Variants in GALNT17 observed in about 807,000 individuals in gnomAD.
The protein encoded by GALNT17 is polypeptide N-acetylgalactosaminyltransferase 17.
In GALNT17, 29 loss-of-function variants were observed where a neutral mutation model predicts 63.7. The observed-to-expected ratio is 0.46, with a 90% confidence interval of 0.34 to 0.62. GALNT17 has a LOEUF of 0.62. Ranked by LOEUF, GALNT17 falls within the 20% of genes least tolerant of loss-of-function variation. The probability of loss-of-function intolerance (pLI) is 0.01; values close to 1 mark genes in which losing one functional copy is unlikely to be tolerated. For synonymous variants in GALNT17, 305 were observed against 318.3 expected, an observed-to-expected ratio of 0.96 and a Z score of 0.45; for missense variants, 603 against 799.6, an observed-to-expected ratio of 0.75 and a Z score of 2.97.
intron 6 of GALNT17, among the ~76,000 whole-genome samples, chr7:71,626,742 C>T (rs1228856189): frequency 6.6e-6 from 1 of 152,228 alleles, no homozygotes. Flanking sequence ...GGTAGAACTA[C>T]ACCACCTTTG....
chr7:71,246,775 G>A (rs1488320501), intron 1 of GALNT17, among the ~76,000 whole-genome samples: 4 of 151,880 alleles, frequency 2.6e-5, no homozygotes, highest in Non-Finnish European at 5.9e-5. Context: ...CTTGCAGTGA[G>A]CTGAGAACGC....
chr7:71,274,127 T>G (rs748980923), intron 1 of GALNT17, among the ~76,000 whole-genome samples: 1 of 152,228 alleles, frequency 6.6e-6, no homozygotes, highest in Admixed American at 6.5e-5. Context: ...TTTGCCTGTT[T>G]CCCTGGTGTA....
At position 71,613,005 on chromosome 7, in the gene GALNT17, C is replaced by A. The variant is rs181646360; in HGVS notation, c.1080+41603C>A. ...AGCCTGAAGGTGGTTAACGGCCCCC[C>A]TCTCGCCTATCACCAGACTCCAGTA... On this transcript the variant is annotated intron_variant, in intron 6 of 10. Coordinates refer to ENST00000333538, the MANE Select transcript of GALNT17 (RefSeq NM_022479.3). 6.5e-4 allele frequency among the ~76,000 whole-genome samples: 99 copies of A among 152,304 alleles called. 1 individual carries two copies. The highest frequency in any genetic ancestry group is 3.4e-3 in the Middle Eastern group (1 of 294).
At chr7:71,322,901 TAA>T (rs1386162449) in intron 1 of GALNT17, among the ~76,000 whole-genome samples, 1 of 152,034 alleles carries the variant, frequency 6.6e-6, no homozygotes, top group Non-Finnish European at 1.5e-5. Flanking sequence ...CTATGAGACA[TAA>T]AGGTCTGTTG....
At chr7:71,654,995 G>A (rs758754861) in intron 6 of GALNT17, among the ~76,000 whole-genome samples, 2 of 152,032 alleles carry the variant, frequency 1.3e-5, no homozygotes, top group Non-Finnish European at 2.9e-5. Flanking sequence ...TCACTATGTT[G>A]GCCAGGCTGG....
At chr7:71,555,123 T>C (rs1789141136) in intron 5 of GALNT17, among the ~76,000 whole-genome samples, 1 of 152,054 alleles carries the variant, frequency 6.6e-6, no homozygotes, top group South Asian at 2.1e-4. Flanking sequence ...CTTGCTGAAC[T>C]CATTACCACA....
At chr7:71,233,670 T>C (rs965223269) in intron 1 of GALNT17, among the ~76,000 whole-genome samples, 12 of 152,168 alleles carry the variant, frequency 7.9e-5, no homozygotes, top group African/African-American at 2.9e-4. Context: ...GGTGCATCTC[T>C]ACTGCCTGAT....
At chr7:71,710,233 G>A (rs1380625294) in intron 9 of GALNT17, among the ~76,000 whole-genome samples, 1 of 152,152 alleles carries the variant, frequency 6.6e-6, no homozygotes, top group Non-Finnish European at 1.5e-5. Context: ...ATCAGGGCCG[G>A]GCGCCGTGGC....
At chr7:71,185,006 C>CTT (rs1788817288) in intron 1 of GALNT17, among the ~76,000 whole-genome samples, 1 of 129,228 alleles carries the variant, frequency 7.7e-6, no homozygotes, top group Non-Finnish European at 1.6e-5. Flanking sequence ...CTTCTTCCTT[C>CTT]CCTCCCTCCC....
intron 9 of GALNT17, among the ~76,000 whole-genome samples, chr7:71,678,959 A>AT (rs1791194437): frequency 6.7e-6 from 1 of 148,572 alleles, no homozygotes; most frequent in African/African-American, 2.6e-5. Context: ...TCCATCTCAA[A>AT]AAAAAAAAAA....
At chr7:71,616,790 A>G (rs971899759) in intron 6 of GALNT17, among the ~76,000 whole-genome samples, 4 of 140,290 alleles carry the variant, frequency 2.9e-5, no homozygotes, top group African/African-American at 1.0e-4. Context: ...TATGTAACTA[A>G]TATATTAGTG....
chr7:71,335,758 G>A (rs369709359), intron 2 of GALNT17, 25 bp downstream of exon 2: 293 of 1,564,954 alleles, frequency 1.9e-4, no homozygotes, highest in Non-Finnish European at 2.4e-4. Context: ...AGTCATTTGC[G>A]GAGCTTGATG....
intron 2 of GALNT17, among the ~76,000 whole-genome samples, chr7:71,338,093 C>A (rs570573578): frequency 6.6e-6 from 1 of 151,354 alleles, no homozygotes; most frequent in African/African-American, 2.4e-5. Flanking sequence ...TTTGGGAGGC[C>A]GAGGCGGGCG....
intron 1 of GALNT17, among the ~76,000 whole-genome samples, chr7:71,247,053 G>T (rs1790112394): frequency 6.6e-6 from 1 of 152,030 alleles, no homozygotes; most frequent in Non-Finnish European, 1.5e-5. Context: ...AGGATTAGAG[G>T]CATGAGCCAC....
intron 5 of GALNT17, among the ~76,000 whole-genome samples, chr7:71,550,198 A>G (rs1789051945): frequency 6.6e-6 from 1 of 152,080 alleles, no homozygotes. Context: ...AAATAAAAGT[A>G]TCCCACAACC....
At chr7:71,216,840 A>C (rs1359270504) in intron 1 of GALNT17, among the ~76,000 whole-genome samples, 1 of 152,182 alleles carries the variant, frequency 6.6e-6, no homozygotes, top group African/African-American at 2.4e-5. Flanking sequence ...TAGTTATATA[A>C]CTACTTTATG....
Position 71,560,612 on chromosome 7 carries a change from C to G in GALNT17, c.963-10673C>G, listed in dbSNP as rs940699043. 2.6e-5 allele frequency among the ~76,000 whole-genome samples: 4 copies of G among 152,326 alleles called. No individual in the cohort carries two copies. In the South Asian group the frequency reaches 6.2e-4, roughly 24 times the overall value. ...ACAGGGAGCCATCATGCCTTCGTGC[C>G]AGCACCCAGGTTGCATGTGATGGTA... On this transcript the variant is annotated intron_variant, in intron 5 of 10. Coordinates refer to ENST00000333538, the MANE Select transcript of GALNT17 (RefSeq NM_022479.3).
intron 2 of GALNT17, among the ~76,000 whole-genome samples, chr7:71,353,471 CATTT>C (rs771291855): frequency 7.2e-4 from 109 of 152,172 alleles, no homozygotes; most frequent in Non-Finnish European, 1.4e-3. Flanking sequence ...GTATTACATT[CATTT>C]ATCATGTTTT....
At chr7:71,484,606 T>C (rs184271283) in intron 5 of GALNT17, among the ~76,000 whole-genome samples, 252 of 152,280 alleles carry the variant, frequency 1.7e-3, no homozygotes, top group African/African-American at 5.9e-3. Flanking sequence ...TATGATGTTA[T>C]GGCAGCTACG....
Sources: allele counts gnomAD v4.1 joint callset (sites outside exome capture counted in the v4.1 genomes callset), GRCh38; gene constraint gnomAD v4.1.1; transcripts MANE v1.5; gene names NCBI Gene and HGNC (gene_info 2026-07-23, HGNC 2026-07-21).